JMJD1C: variants seen among roughly 807,000 people sequenced by gnomAD.
JMJD1C encodes jumonji domain containing 1C.
In JMJD1C, 31 loss-of-function variants were observed where a neutral mutation model predicts 245.3. The observed-to-expected ratio is 0.13, with a 90% confidence interval of 0.09 to 0.17. The LOEUF is 0.17. Ranked by LOEUF, JMJD1C falls within the 10% of genes least tolerant of loss-of-function variation. The pLI is 1.00. For synonymous variants in JMJD1C, 1,057 were observed against 1,017.4 expected (o/e 1.04, Z -0.74); for missense variants, 2,691 against 3,000.2 (o/e 0.90, Z 2.41).
chr10:63,518,414 G>C (rs993503217), intron 1 of JMJD1C, among the ~76,000 whole-genome samples: 1 of 152,174 alleles, frequency 6.6e-6, no homozygotes, highest in Non-Finnish European at 1.5e-5. Context: ...ACATGAAAAT[G>C]ATTTATAATA....
chr10:63,491,643 T>C (rs1954180166), intron 1 of JMJD1C, among the ~76,000 whole-genome samples: 1 of 152,164 alleles, frequency 6.6e-6, no homozygotes, highest in African/African-American at 2.4e-5. Flanking sequence ...TGTCTGAAAA[T>C]TTGCTTTGGA....
chr10:63,324,216 G>C (rs1424413908), intron 2 of JMJD1C, among the ~76,000 whole-genome samples: 1 of 151,416 alleles, frequency 6.6e-6, no homozygotes, highest in African/African-American at 2.4e-5. Context: ...CTGTGGCCCA[G>C]TCATGCTTAC....
At chr10:63,233,741 A>C (rs1432410721) in intron 3 of JMJD1C, among the ~76,000 whole-genome samples, 8 of 104,830 alleles carry the variant, frequency 7.6e-5, no homozygotes, top group South Asian at 2.9e-4. Context: ...ATATATATAT[A>C]TCCACACACG....
intron 1 of JMJD1C, among the ~76,000 whole-genome samples, chr10:63,513,317 T>C (rs1248683852): frequency 6.6e-6 from 1 of 152,104 alleles, no homozygotes; most frequent in Non-Finnish European, 1.5e-5. Flanking sequence ...TCAAGATGGA[T>C]TTAAGACTTC....
intron 3 of JMJD1C, among the ~76,000 whole-genome samples, chr10:63,228,072 T>G (rs1211913558): frequency 6.6e-6 from 1 of 152,196 alleles, no homozygotes; most frequent in Non-Finnish European, 1.5e-5. Context: ...CGCTGAAGGC[T>G]TCCATGTATT....
At chr10:63,342,840 C>T (rs1589531553) in intron 2 of JMJD1C, among the ~76,000 whole-genome samples, 1 of 152,136 alleles carries the variant, frequency 6.6e-6, no homozygotes, top group Non-Finnish European at 1.5e-5. Context: ...CTAATGTACA[C>T]AACTTTGTTT....
chr10:63,338,705 A>G (rs72835361), intron 2 of JMJD1C, among the ~76,000 whole-genome samples: 29,606 of 137,948 alleles, frequency 0.21, 3,900 homozygotes, highest in Non-Finnish European at 0.3. Context: ...CTTGAGTGCA[A>G]TGGTGCAATC....
At chr10:63,323,294 C>G (rs1589476848) in intron 2 of JMJD1C, among the ~76,000 whole-genome samples, 1 of 152,110 alleles carries the variant, frequency 6.6e-6, no homozygotes. Context: ...GAGGCCAAGG[C>G]AGACAGATCA....
chr10:63,187,108 A>T (rs1844220491), intron 18 of JMJD1C, among the ~76,000 whole-genome samples: 1 of 152,212 alleles, frequency 6.6e-6, no homozygotes, highest in Non-Finnish European at 1.5e-5. Flanking sequence ...CAAAAGAATA[A>T]TCTCTAGCTA....
intron 2 of JMJD1C, among the ~76,000 whole-genome samples, chr10:63,335,858 C>T (rs1942673159): frequency 6.6e-6 from 1 of 151,350 alleles, no homozygotes; most frequent in Non-Finnish European, 1.5e-5. Flanking sequence ...CCGTGGCTCA[C>T]GCCTGTAATC....
chr10:63,500,471 C>T (rs532682979), intron 1 of JMJD1C, among the ~76,000 whole-genome samples: 13 of 150,964 alleles, frequency 8.6e-5, no homozygotes, highest in Non-Finnish European at 1.3e-4. Flanking sequence ...TGGTGGCTCA[C>T]GCCTGTAATC....
intron 2 of JMJD1C, among the ~76,000 whole-genome samples, chr10:63,289,100 T>C (rs1373166994): frequency 6.6e-6 from 1 of 152,072 alleles, no homozygotes; most frequent in Admixed American, 6.6e-5. Context: ...GGTCTTTTCG[T>C]TGCCTGGCCT....
chr10:63,474,739 C>T (rs1953605391), intron 1 of JMJD1C, among the ~76,000 whole-genome samples: 1 of 152,064 alleles, frequency 6.6e-6, no homozygotes, highest in South Asian at 2.1e-4. Flanking sequence ...CATGAGCCAC[C>T]GTGCTCAGCC....
intron 8 of JMJD1C, among the ~76,000 whole-genome samples, chr10:63,211,166 A>C (rs1019587774): frequency 5.3e-5 from 8 of 152,142 alleles, no homozygotes; most frequent in African/African-American, 1.7e-4. Context: ...CTTATCATCA[A>C]AGTTCACCCA....
At chr10:63,429,709 C>A (rs1190053233) in intron 1 of JMJD1C, among the ~76,000 whole-genome samples, 1 of 152,148 alleles carries the variant, frequency 6.6e-6, no homozygotes, top group Non-Finnish European at 1.5e-5. Context: ...ATACTCAGCA[C>A]AATCAAAATA....
At chr10:63,243,403 G>A (rs1851773886) in intron 3 of JMJD1C, among the ~76,000 whole-genome samples, 1 of 151,922 alleles carries the variant, frequency 6.6e-6, no homozygotes, top group Non-Finnish European at 1.5e-5. Context: ...GTGCATGCCT[G>A]TAATCCCAGC....
intron 24 of JMJD1C, among the ~76,000 whole-genome samples, chr10:63,171,624 T>G (rs1842373177): frequency 6.6e-6 from 1 of 152,230 alleles, no homozygotes. Flanking sequence ...GTGTGGTCCC[T>G]GAACAGTAAA....
chr10:63,465,250 G>A (rs368136224), intron 1 of JMJD1C: 38 of 481,288 alleles, frequency 7.9e-5, no homozygotes, highest in Non-Finnish European at 1.3e-4. Flanking sequence ...CCGGGATGGG[G>A]GCCAGGGCAG....
intron 2 of JMJD1C, among the ~76,000 whole-genome samples, chr10:63,326,442 G>C (rs931166555): frequency 6.6e-6 from 1 of 151,160 alleles, no homozygotes; most frequent in Non-Finnish European, 1.5e-5. Context: ...AATAAAATAT[G>C]GTAACAATTT....
Sources: allele counts gnomAD v4.1 joint callset (sites outside exome capture counted in the v4.1 genomes callset), GRCh38; gene constraint gnomAD v4.1.1; transcripts MANE v1.5; gene names NCBI Gene and HGNC (gene_info 2026-07-23, HGNC 2026-07-21).